The following OXR1 variants were observed in gnomAD, a reference collection of about 807,000 sequenced individuals.
OXR1 encodes the protein oxidation resistance 1.
A neutral mutation model predicts 104.6 loss-of-function variants in OXR1; 41 were observed. The observed-to-expected ratio is 0.39, with a 90% CI of 0.31 to 0.51. The LOEUF (loss-of-function observed/expected upper bound fraction) is 0.51, where lower values mean the gene tolerates loss of function less well. OXR1 is among the 20% of genes least tolerant of loss of function. OXR1 has a pLI of 0.77. For synonymous variants in OXR1, 348 were observed against 348.4 expected, an observed-to-expected ratio of 1.00 and a Z score of 0.01; for missense variants, 955 against 1,031.9, an observed-to-expected ratio of 0.93 and a Z score of 1.02.
chr8:106,687,803 CAG>C (rs1292813071), intron 6 of OXR1, among the ~76,000 whole-genome samples: 2 of 151,490 alleles, frequency 1.3e-5, no homozygotes, highest in African/African-American at 4.9e-5. Flanking sequence ...GAGGAGGAAA[CAG>C]AGGAAGAGAA....
rs1461574258 is a variant in OXR1, at chr8:106,683,266, A to G, written c.371A>G (p.Gln124Arg). 1 of 1,603,980 alleles carries G rather than the reference A, an allele frequency of 6.2e-7. No individual in the cohort carries two copies. The highest frequency in any genetic ancestry group is 1.7e-5 in the Admixed American group (1 of 59,992). Residue 124 changes from glutamine to arginine, a missense_variant, in exon 5 of 17, where the codon CAA becomes CGA. Gln to Arg is a conservative substitution (Grantham distance 43). Transcript: ENST00000517566. The part of the protein sequence containing the change: ...KFDTTPNELV[Q>R]LNKLFSRAVV... ...GATACAACACCTAACGAACTTGTTC[A>G]ATTAAATAAGTTATTCTCCCGAGCA... is the stretch of plus-strand genomic sequence containing the variant.
At chr8:106,280,703 T>C (rs1219032323) in intron 1 of OXR1, among the ~76,000 whole-genome samples, 1 of 152,104 alleles carries the variant, frequency 6.6e-6, no homozygotes, top group Non-Finnish European at 1.5e-5. Context: ...CACTGAAGTG[T>C]GCACTTAAAA....
chr8:106,589,728 A>G (rs1818930503), intron 3 of OXR1, among the ~76,000 whole-genome samples: 1 of 152,170 alleles, frequency 6.6e-6, no homozygotes, highest in Non-Finnish European at 1.5e-5. Flanking sequence ...GTGCAATGGC[A>G]TGAACTCGGC....
intron 3 of OXR1, among the ~76,000 whole-genome samples, chr8:106,551,858 ATATGTGTGTGTGTGTG>A (rs1474126501): frequency 1.1e-5 from 1 of 94,246 alleles, no homozygotes; most frequent in African/African-American, 4.3e-5. Context: ...ATGTGTATAT[ATATGTGTGTGTGTGTG>A]TGTGTGTGTG....
At chr8:106,564,729 C>G (rs1816947711) in intron 3 of OXR1, among the ~76,000 whole-genome samples, 1 of 152,156 alleles carries the variant, frequency 6.6e-6, no homozygotes, top group South Asian at 2.1e-4. Context: ...ATGTGAAAAT[C>G]CTCAATAAAA....
intron 3 of OXR1, among the ~76,000 whole-genome samples, chr8:106,610,555 G>A (rs1324959296): frequency 1.3e-5 from 2 of 151,948 alleles, no homozygotes; most frequent in East Asian, 1.9e-4. Context: ...TCCTACCATC[G>A]TTTATCCTAT....
chr8:106,514,259 A>T (rs1812724751), intron 2 of OXR1, among the ~76,000 whole-genome samples: 1 of 152,192 alleles, frequency 6.6e-6, no homozygotes, highest in African/African-American at 2.4e-5. Flanking sequence ...TTTAATTAAG[A>T]ACATTGTTAA....
intron 1 of OXR1, among the ~76,000 whole-genome samples, chr8:106,277,432 C>G (rs575322189): frequency 1.8e-4 from 28 of 152,300 alleles, no homozygotes; most frequent in Non-Finnish European, 2.9e-4. Flanking sequence ...TTGTACTCTG[C>G]TAATTCCACC....
At chr8:106,703,111 C>A in intron 8 of OXR1, 21 bp downstream of exon 8, 5 of 1,524,172 alleles carry the variant, frequency 3.3e-6, no homozygotes, top group Non-Finnish European at 4.5e-6. Context: ...TATTTATATT[C>A]CTTTGCAACT....
chr8:106,752,359 C>G lies in OXR1; in HGVS notation c.*1418C>G, dbSNP rs1835939289. ...TTGTATAGCACTTACATATTTAGTTCTTTTGAAAGTTTAGATAATTATTTA... is the reference window on the plus strand; with the variant it reads ...TTGTATAGCACTTACATATTTAGTTGTTTTGAAAGTTTAGATAATTATTTA... On this transcript the variant is annotated 3_prime_UTR_variant, in exon 17 of 17. Coordinates refer to ENST00000517566, the MANE Select transcript of OXR1 (RefSeq NM_001198533.2). 1.3e-5 allele frequency: 2 copies of G among 152,334 alleles called. No individual in the cohort carries two copies. Among genetic ancestry groups the G allele is most frequent in the African/African-American group, 4.8e-5 (2 of 41,388 alleles). The allele number at this position is 152,334 out of a possible 1,614,324, so 9.4% of individuals were successfully genotyped here. A position where few individuals can be genotyped will look rare whatever the true frequency, so the allele number is the denominator to read the frequency against.
At chr8:106,689,519 AAATTAT>A (rs776990180) in intron 6 of OXR1, among the ~76,000 whole-genome samples, 1 of 152,036 alleles carries the variant, frequency 6.6e-6, no homozygotes, top group Non-Finnish European at 1.5e-5. Context: ...TTGCCTCATA[AAATTAT>A]AATTATAGAG....
At chr8:106,738,134 C>A (rs1319813997) in intron 12 of OXR1, among the ~76,000 whole-genome samples, 1 of 151,912 alleles carries the variant, frequency 6.6e-6, no homozygotes, top group African/African-American at 2.4e-5. Context: ...ACTTAAAATT[C>A]TGTGAAATAA....
intron 2 of OXR1, among the ~76,000 whole-genome samples, chr8:106,452,815 A>C (rs1820393744): frequency 6.6e-6 from 1 of 152,062 alleles, no homozygotes; most frequent in Admixed American, 6.6e-5. Flanking sequence ...AGTACATTTT[A>C]AGGGCCTTTT....
At chr8:106,710,019 T>C (rs1292479598) in intron 9 of OXR1, among the ~76,000 whole-genome samples, 3 of 152,120 alleles carry the variant, frequency 2.0e-5, no homozygotes, top group Admixed American at 2.0e-4. Context: ...TCTGGGTTCC[T>C]AAATTCACCT....
At chr8:106,616,862 A>T (rs1802964219) in intron 3 of OXR1, among the ~76,000 whole-genome samples, 1 of 152,018 alleles carries the variant, frequency 6.6e-6, no homozygotes, top group African/African-American at 2.4e-5. Flanking sequence ...TAGTTCTTAG[A>T]CTCATGAAGA....
chr8:106,568,291 TAAAC>T (rs1024992672), intron 3 of OXR1, among the ~76,000 whole-genome samples: 5 of 152,218 alleles, frequency 3.3e-5, no homozygotes, highest in Non-Finnish European at 7.4e-5. Context: ...TTACGATAAA[TAAAC>T]AAGGAAGTAT....
At chr8:106,387,873 CA>C (rs1264218021) in intron 2 of OXR1, among the ~76,000 whole-genome samples, 1 of 152,162 alleles carries the variant, frequency 6.6e-6, no homozygotes, top group Non-Finnish European at 1.5e-5. Flanking sequence ...AATCTGTTTA[CA>C]GTAACAACTT....
intron 1 of OXR1, among the ~76,000 whole-genome samples, chr8:106,291,855 A>T (rs1035108144): frequency 6.6e-6 from 1 of 152,164 alleles, no homozygotes; most frequent in African/African-American, 2.4e-5. Flanking sequence ...CATGCCCTTT[A>T]TAAAACCATC....
chr8:106,450,350 C>T (rs923242524), intron 2 of OXR1, among the ~76,000 whole-genome samples: 24 of 152,122 alleles, frequency 1.6e-4, no homozygotes, highest in Middle Eastern at 3.4e-3. Flanking sequence ...CATGTTTGTC[C>T]GTGTGCTATT....
Sources: gnomAD v4.1 joint callset for allele counts (sites outside exome capture counted in the v4.1 genomes callset) on GRCh38, gnomAD v4.1.1 for gene constraint, MANE v1.5 for transcripts, NCBI Gene and HGNC (gene_info 2026-07-23, HGNC 2026-07-21) for gene names.